Variants in CEP112 observed in about 807,000 individuals in gnomAD.
The protein encoded by CEP112 is centrosomal protein of 112 kDa.
A neutral mutation model predicts 153.0 loss-of-function variants in CEP112; 127 were observed. The observed-to-expected ratio is 0.83, with a 90% CI of 0.72 to 0.96. The LOEUF is 0.96. CEP112 is among the 40% of genes least tolerant of loss of function. CEP112 has a pLI of 0.00. For missense variants in CEP112, 1,089 were observed against 1,101.2 expected (o/e 0.99, Z 0.16); for synonymous variants, 358 against 374.4 (o/e 0.96, Z 0.51).
chr17:66,109,339 T>C (rs1354261622), intron 6 of CEP112, among the ~76,000 whole-genome samples: 2 of 152,278 alleles, frequency 1.3e-5, no homozygotes, highest in Non-Finnish European at 2.9e-5. Context: ...CCTGATGTCA[T>C]TATTATGTAT....
intron 21 of CEP112, among the ~76,000 whole-genome samples, chr17:65,835,770 A>G (rs2057284160): frequency 6.6e-6 from 1 of 152,252 alleles, no homozygotes; most frequent in Admixed American, 6.5e-5. Context: ...ACAAGAAAAC[A>G]TCTAAAGATA....
chr17:65,953,530 C>A (rs948372039), intron 18 of CEP112, among the ~76,000 whole-genome samples: 1 of 152,218 alleles, frequency 6.6e-6, no homozygotes, highest in African/African-American at 2.4e-5. Context: ...TGCTTGCTTT[C>A]TCAATGGGAG....
At chr17:65,845,137 T>C (rs985239188) in intron 21 of CEP112, among the ~76,000 whole-genome samples, 9 of 152,012 alleles carry the variant, frequency 5.9e-5, no homozygotes, top group African/African-American at 1.7e-4. Flanking sequence ...CTGACCAACA[T>C]GGAGAAACTG....
intron 24 of CEP112, among the ~76,000 whole-genome samples, chr17:65,682,549 AC>A (rs367556810): frequency 1.8e-3 from 281 of 152,286 alleles, no homozygotes; most frequent in African/African-American, 6.5e-3. Context: ...CTAACGAATG[AC>A]TGAACTGCTC....
rs149339182 is a variant in CEP112, at chr17:66,169,627, G to A, written c.470+5417C>T. 2.6e-3 allele frequency among the ~76,000 whole-genome samples: 394 copies of A among 152,214 alleles called. 9 individuals carry two copies. The East Asian group carries it at 0.03, about 11-fold the overall frequency. On this transcript the variant is annotated intron_variant, in intron 4 of 26. Coordinates refer to ENST00000535342, the MANE Select transcript of CEP112 (RefSeq NM_001199165.4). ...TAGGTGTGGATGTCTATTGTAAAATGATATGCACAAAATTGTTAATGGTGA... is the reference window on the plus strand; with the variant it reads ...TAGGTGTGGATGTCTATTGTAAAATAATATGCACAAAATTGTTAATGGTGA...
chr17:66,131,590 A>G (rs563312093), intron 5 of CEP112, among the ~76,000 whole-genome samples: 153 of 152,032 alleles, frequency 1.0e-3, no homozygotes, highest in African/African-American at 3.6e-3. Flanking sequence ...AAATACAAAA[A>G]ATTAGCCAGG....
At chr17:66,044,938 A>C (rs2066139035) in intron 12 of CEP112, among the ~76,000 whole-genome samples, 1 of 152,296 alleles carries the variant, frequency 6.6e-6, no homozygotes, top group Admixed American at 6.5e-5. Context: ...TGTTCCTATA[A>C]ATCAAGGAAA....
intron 21 of CEP112, among the ~76,000 whole-genome samples, chr17:65,810,792 A>G (rs556719321): frequency 6.6e-6 from 1 of 152,298 alleles, no homozygotes; most frequent in South Asian, 2.1e-4. Flanking sequence ...AAACCCTTGA[A>G]TAAGGATGAG....
At chr17:65,981,960 G>A (rs2319108) in intron 17 of CEP112, among the ~76,000 whole-genome samples, 79,129 of 151,980 alleles carry the variant, frequency 0.52, 21,601 homozygotes, top group African/African-American at 0.6. Flanking sequence ...TGGCAATACT[G>A]ACATAGTAAA....
intron 19 of CEP112, among the ~76,000 whole-genome samples, chr17:65,927,074 T>C (rs1452555966): frequency 6.6e-6 from 1 of 152,030 alleles, no homozygotes; most frequent in Non-Finnish European, 1.5e-5. Context: ...GGCCATCCCC[T>C]TGGTGATAAG....
chr17:66,167,016 G>T (rs963013575), intron 4 of CEP112, among the ~76,000 whole-genome samples: 7 of 151,876 alleles, frequency 4.6e-5, no homozygotes, highest in South Asian at 2.1e-4. Context: ...TTGAAAAAGA[G>T]GCCTATTACA....
intron 24 of CEP112, among the ~76,000 whole-genome samples, chr17:65,656,218 C>T (rs796595050): frequency 7.9e-5 from 12 of 152,294 alleles, no homozygotes; most frequent in Non-Finnish European, 1.2e-4. Flanking sequence ...TGGACTTTCC[C>T]CATTGATGTC....
intron 21 of CEP112, among the ~76,000 whole-genome samples, chr17:65,840,999 AC>A (rs2057496353): frequency 1.3e-5 from 2 of 152,114 alleles, no homozygotes; most frequent in African/African-American, 4.8e-5. Flanking sequence ...AAGACAAAAA[AC>A]AAATGCTTAT....
intron 6 of CEP112, among the ~76,000 whole-genome samples, chr17:66,097,654 G>A (rs1187629479): frequency 6.6e-6 from 1 of 152,144 alleles, no homozygotes; most frequent in East Asian, 1.9e-4. Context: ...TGAACAGAAG[G>A]AGTACTGGGA....
At chr17:65,781,277 C>A (rs569022342) in intron 21 of CEP112, among the ~76,000 whole-genome samples, 1 of 152,060 alleles carries the variant, frequency 6.6e-6, no homozygotes, top group African/African-American at 2.4e-5. Context: ...TAGCTACATA[C>A]TCACAAAAAT....
chr17:66,014,925 T>G (rs1044090344), intron 16 of CEP112, among the ~76,000 whole-genome samples: 3 of 152,224 alleles, frequency 2.0e-5, no homozygotes, highest in African/African-American at 7.2e-5. Flanking sequence ...CATTTATTGA[T>G]TTACCTATCT....
chr17:65,993,925 T>A (rs2063687953), intron 17 of CEP112, among the ~76,000 whole-genome samples: 1 of 151,976 alleles, frequency 6.6e-6, no homozygotes. Context: ...GTTCAGTTTG[T>A]GTGCTTTTTG....
intron 21 of CEP112, among the ~76,000 whole-genome samples, chr17:65,842,752 A>G (rs1227303078): frequency 6.6e-6 from 1 of 152,168 alleles, no homozygotes; most frequent in Non-Finnish European, 1.5e-5. Context: ...AAAAGGGTCT[A>G]AGGAACATCA....
At chr17:66,004,422 C>T (rs940492305) in intron 17 of CEP112, among the ~76,000 whole-genome samples, 9 of 152,054 alleles carry the variant, frequency 5.9e-5, no homozygotes, top group Non-Finnish European at 1.2e-4. Context: ...ACCCAAGAGG[C>T]GGAGGGTGCA....
Sources: allele counts gnomAD v4.1 joint callset (sites outside exome capture counted in the v4.1 genomes callset), GRCh38; gene constraint gnomAD v4.1.1; transcripts MANE v1.5; gene names NCBI Gene and HGNC (gene_info 2026-07-23, HGNC 2026-07-21).